GSG1L2: variants seen among roughly 807,000 people sequenced by gnomAD.
GSG1L2 encodes the protein GSG1 like 2, also known as germ cell-specific gene 1-like protein 2.
GSG1L2 carries 15 observed loss-of-function variants against 9.0 expected under a neutral mutation model. The ratio of observed to expected loss-of-function variants is 1.67; its 90% confidence interval spans 1.12 to 2.57. The LOEUF (loss-of-function observed/expected upper bound fraction) is 2.57. Ranked by LOEUF, GSG1L2 falls within the 30% of genes most tolerant of loss-of-function variation. GSG1L2 has a pLI of 0.00. For synonymous variants in GSG1L2, 127 were observed against 57.9 expected (o/e 2.19, Z -5.41); for missense variants, 286 against 150.3 (o/e 1.90, Z -4.72).
intron 3 of GSG1L2, chr17:9,808,045 C>T (rs2066522967): frequency 6.4e-6 from 1 of 155,246 alleles, no homozygotes; most frequent in South Asian, 2.0e-4. Flanking sequence ...AAATAAGTCC[C>T]AAAATAAGTA....
At chr17:9,816,922 G>GTA (rs879662274) in intron 1 of GSG1L2, among the ~76,000 whole-genome samples, 10 of 148,898 alleles carry the variant, frequency 6.7e-5, no homozygotes, top group African/African-American at 2.5e-4. Flanking sequence ...GTGTGTGTGT[G>GTA]TGTGTGTGTG....
intron 2 of GSG1L2, chr17:9,809,280 C>T (rs1328963076): frequency 7.7e-6 from 3 of 392,040 alleles, no homozygotes; most frequent in East Asian, 1.2e-4. Flanking sequence ...TGCCCTAGCT[C>T]AAAAACTACC....
At chr17:9,819,100 G>A (rs1438436863) in intron 1 of GSG1L2, among the ~76,000 whole-genome samples, 1 of 152,028 alleles carries the variant, frequency 6.6e-6, no homozygotes, top group Non-Finnish European at 1.5e-5. Context: ...TCACCAGGGG[G>A]GCTTATTAGA....
At position 9,808,859 on chromosome 17, in the gene GSG1L2, G is replaced by C. The variant is rs577046936; in HGVS notation, c.482C>G (p.Ala161Gly). Reference protein sequence around the residue: ...SPGFHWLRVDALVAIFMVLAG... With the variant: ...SPGFHWLRVDGLVAIFMVLAG... The stretch of plus-strand genomic sequence containing the variant: ...CAGCACCATGAAGATGGCTACCAAG[G>C]CATCCACCCTGAGCCAGTGGAACCC... Residue 161 changes from alanine (A) to glycine (G), a missense_variant, in exon 3 of 5, where the codon GCC (alanine) becomes GGC (glycine). Physicochemically the swap from Ala to Gly is moderately conservative, Grantham distance 60. Transcript: ENST00000399363. The C allele has an allele frequency of 1.4e-6, 1 of 702,900 alleles. No individual in the cohort carries two copies. The highest frequency in any genetic ancestry group is 2.6e-6 in the Non-Finnish European group (1 of 384,988). 43.5% of individuals were successfully genotyped at this position (702,900 alleles called of 1,614,324 possible).
At position 9,801,313 on chromosome 17, in the gene GSG1L2, T is replaced by C. The variant is rs1282623932; in HGVS notation, c.*1073A>G. On this transcript the variant is annotated 3_prime_UTR_variant, in exon 5 of 5. Transcript: ENST00000399363. ...ACCTCCACCTCCCAGGTTCAAGCGATTTCCCTGCCTCAGCCTCCTGAGTAG... is the reference window on the plus strand; with the variant it reads ...ACCTCCACCTCCCAGGTTCAAGCGACTTCCCTGCCTCAGCCTCCTGAGTAG... 6.6e-6 allele frequency among the ~76,000 whole-genome samples: 1 copy of C among 152,092 alleles called. No individual in the cohort carries two copies. The highest frequency in any genetic ancestry group is 1.5e-5 in the Non-Finnish European group (1 of 68,010).
intron 4 of GSG1L2, 78 bp from the exon 5 acceptor site, chr17:9,802,722 C>CA: frequency 1.5e-6 from 1 of 656,828 alleles, no homozygotes; most frequent in Admixed American, 2.4e-5. Context: ...GACTGGGGGT[C>CA]AATCTGGAGA....
In GSG1L2 at chr17:9,815,162, C is replaced by A. The variant is rs181169243; in HGVS notation, c.311-4544G>T. Among the ~76,000 whole-genome samples, 20 of 152,132 alleles carry A rather than the reference C, an allele frequency of 1.3e-4. No homozygotes were observed. The East Asian group carries it at 3.9e-3, about 30-fold the overall frequency. On this transcript the variant is annotated intron_variant, in intron 1 of 4. Transcript: ENST00000399363. ...CAGCATTTTGGGAGGCCGAGGCGGG[C>A]GGATCACGAAGTCAGGAGATGGAGA...
chr17:9,820,201 A>C lies in GSG1L2; in HGVS notation c.310+1561T>G, dbSNP rs978499934. ...GACTGGGCACCTGGATATTTCTTTT[A>C]CAAGTTCCTTGGGTGATACATTTGA... On this transcript the variant is annotated intron_variant, in intron 1 of 4. Transcript: ENST00000399363. This position sits in a 1 kb window ranked among gnomAD's most constrained non-coding sequence, Gnocchi z 4.9. Among the ~76,000 whole-genome samples the C allele has an allele frequency of 6.6e-6, 1 of 152,168 alleles. No individual in the cohort carries two copies. Among genetic ancestry groups the C allele is most frequent in the Non-Finnish European group, 1.5e-5 (1 of 68,010 alleles).
intron 2 of GSG1L2, chr17:9,809,203 T>G (rs1377856500): frequency 6.2e-5 from 31 of 498,754 alleles, no homozygotes; most frequent in African/African-American, 3.6e-4. Flanking sequence ...GAACGGGCGG[T>G]GGGGTGGGGG....
rs1053860063 is a variant in GSG1L2, at chr17:9,801,233, G to A, written c.*1153C>T. ...TTTCTTTTTCTTTTTTTTGAGACAG[G>A]GTCTCACTCTATTGCCCAGGCTGGA... On this transcript the variant is annotated 3_prime_UTR_variant, in exon 5 of 5. Coordinates refer to ENST00000399363, the MANE Select transcript of GSG1L2 (RefSeq NM_001310219.2). 7.3e-5 allele frequency among the ~76,000 whole-genome samples: 11 copies of A among 151,612 alleles called. No individual in the cohort carries two copies. The highest frequency in any genetic ancestry group is 2.7e-4 in the African/African-American group (11 of 41,250).
At chr17:9,811,169 T>C (rs17207801) in intron 1 of GSG1L2, 34,198 of 152,352 alleles carry the variant, frequency 0.22, 4,078 homozygotes, top group East Asian at 0.37. Context: ...TCTAAAATAA[T>C]TGGCTTCTTG....
intron 3 of GSG1L2, chr17:9,808,038 TA>T (rs2066522934): frequency 6.4e-6 from 1 of 155,438 alleles, no homozygotes; most frequent in African/African-American, 2.4e-5. Context: ...AATAAATAAA[TA>T]AGTCCCAAAA....
intron 1 of GSG1L2, among the ~76,000 whole-genome samples, chr17:9,821,204 C>A (rs4791877): frequency 0.28 from 42,367 of 152,038 alleles, 10,968 homozygotes; most frequent in African/African-American, 0.68. Context: ...TGAACGCGGG[C>A]TTACAGCCAG....
chr17:9,816,881 T>A (rs2066568665), intron 1 of GSG1L2, among the ~76,000 whole-genome samples: 1 of 105,094 alleles, frequency 9.5e-6, no homozygotes, highest in South Asian at 5.1e-4. Context: ...TGTGTGTGTA[T>A]CTGTGTGTGT....
intron 1 of GSG1L2, among the ~76,000 whole-genome samples, chr17:9,817,638 C>G (rs1195261312): frequency 6.6e-6 from 1 of 151,898 alleles, no homozygotes; most frequent in African/African-American, 2.4e-5. Context: ...TTGGCCAGGC[C>G]GGTCTTGAAC....
At chr17:9,814,762 C>T (rs917946702) in intron 1 of GSG1L2, among the ~76,000 whole-genome samples, 2 of 152,162 alleles carry the variant, frequency 1.3e-5, no homozygotes, top group African/African-American at 4.8e-5. Flanking sequence ...GAGGAAGTGG[C>T]GTCCGATCCC....
At chr17:9,812,321 A>C (rs1234991981) in intron 1 of GSG1L2, among the ~76,000 whole-genome samples, 2 of 151,228 alleles carry the variant, frequency 1.3e-5, no homozygotes, top group African/African-American at 4.9e-5. Flanking sequence ...CTATTCAAGA[A>C]CTCTCTATGG....
intron 1 of GSG1L2, among the ~76,000 whole-genome samples, chr17:9,812,202 T>C (rs577512916): frequency 1.3e-5 from 2 of 152,308 alleles, no homozygotes; most frequent in East Asian, 3.9e-4. Context: ...TCATGCCAGC[T>C]ACCATTGCTG....
At chr17:9,803,235 C>T (rs1012501729) in intron 4 of GSG1L2, among the ~76,000 whole-genome samples, 14 of 151,584 alleles carry the variant, frequency 9.2e-5, no homozygotes, top group African/African-American at 3.4e-4. Flanking sequence ...CCCAAGTAGC[C>T]GGGACCACAG....
Sources: allele counts gnomAD v4.1 joint callset (sites outside exome capture counted in the v4.1 genomes callset), GRCh38; gene constraint gnomAD v4.1.1; non-coding constraint Gnocchi (gnomAD v3.1); transcripts MANE v1.5; gene names NCBI Gene and HGNC (gene_info 2026-07-23, HGNC 2026-07-21).